NEDD9: variants seen among roughly 807,000 people sequenced by gnomAD.
The protein encoded by NEDD9 is enhancer of filamentation 1.
In NEDD9, 26 loss-of-function variants were observed where a neutral mutation model predicts 76.6. That is an observed-to-expected ratio of 0.34 (90% CI 0.25 to 0.47). The LOEUF is 0.47. Among genes scored for constraint, NEDD9 ranks in the 20% least tolerant of loss-of-function variants. The probability of loss-of-function intolerance (pLI) is 1.00; values close to 1 mark genes in which losing one functional copy is unlikely to be tolerated. For synonymous variants in NEDD9, 392 were observed against 414.2 expected (o/e 0.95, Z 0.65); for missense variants, 937 against 1,058.5 (o/e 0.89, Z 1.59).
In NEDD9 at chr6:11,239,955, A is replaced by G. The variant is rs148377972; in HGVS notation, c.13-26228T>C. Among the ~76,000 whole-genome samples, 776 of 151,810 alleles carry G rather than the reference A, an allele frequency of 5.1e-3. 7 individuals are homozygous for G. Among genetic ancestry groups the G allele is most frequent in the African/African-American group, 0.017 (716 of 41,338 alleles). On this transcript the variant is annotated intron_variant, in intron 3 of 3. Coordinates refer to the NEDD9 transcript ENST00000397378. ...GCTACTTGGGACGATGAGACAGGAGAATCGCTTGAACCCGGGAGGCGGAGA... is the reference window on the plus strand; with the variant it reads ...GCTACTTGGGACGATGAGACAGGAGGATCGCTTGAACCCGGGAGGCGGAGA...
upstream of NEDD9, chr6:11,233,155 C>G: frequency 2.0e-6 from 1 of 496,514 alleles, no homozygotes; most frequent in Non-Finnish European, 4.0e-6. Context: ...CTCTCTCTCT[C>G]TGTCCCTTTT....
chr6:11,188,351 A>T, intron 5 of NEDD9, 44 bp from the exon 6 acceptor site: 1 of 1,446,440 alleles, frequency 6.9e-7, no homozygotes, highest in Non-Finnish European at 9.7e-7. Flanking sequence ...CATCACTGTG[A>T]TTCACTTATG....
intron 1 of NEDD9, chr6:11,352,440 T>C (rs1166524836): frequency 2.6e-5 from 4 of 152,288 alleles, no homozygotes; most frequent in African/African-American, 9.6e-5. Context: ...CCTGAGAACA[T>C]ACACTTTTTA....
At chr6:11,364,603 TA>T (rs1762731332) in intron 1 of NEDD9, among the ~76,000 whole-genome samples, 1 of 152,190 alleles carries the variant, frequency 6.6e-6, no homozygotes, top group South Asian at 2.1e-4. Flanking sequence ...CTTTTGCTTG[TA>T]ACCCTTAAGG....
chr6:11,284,209 A>G (rs1268780373), intron 3 of NEDD9, among the ~76,000 whole-genome samples: 1 of 152,090 alleles, frequency 6.6e-6, no homozygotes, highest in Non-Finnish European at 1.5e-5. Flanking sequence ...TCTTAAATAC[A>G]GCATCCAAAG....
chr6:11,193,771 T>C, intron 2 of NEDD9, 79 bp from the exon 3 acceptor site: 2 of 833,704 alleles, frequency 2.4e-6, no homozygotes, highest in Non-Finnish European at 3.9e-6. Flanking sequence ...TAAGCACTCA[T>C]CCCTCAACTC....
chr6:11,327,084 G>A (rs143319864), intron 2 of NEDD9, among the ~76,000 whole-genome samples: 1 of 152,328 alleles, frequency 6.6e-6, no homozygotes, highest in South Asian at 2.1e-4. Flanking sequence ...ATGATGCTGG[G>A]ACAACAGGAG....
chr6:11,294,611 A>G (rs998659713), intron 3 of NEDD9, among the ~76,000 whole-genome samples: 1 of 152,132 alleles, frequency 6.6e-6, no homozygotes, highest in Non-Finnish European at 1.5e-5. Flanking sequence ...TTTCTTTATA[A>G]ATTACCCAGT....
intron 2 of NEDD9, among the ~76,000 whole-genome samples, chr6:11,326,283 C>A (rs1186678000): frequency 6.6e-6 from 1 of 152,136 alleles, no homozygotes; most frequent in Non-Finnish European, 1.5e-5. Flanking sequence ...AGGAATAAAG[C>A]ACAGCTGCTG....
At chr6:11,376,309 A>G (rs1276836257) in intron 1 of NEDD9, among the ~76,000 whole-genome samples, 1 of 152,228 alleles carries the variant, frequency 6.6e-6, no homozygotes, top group Non-Finnish European at 1.5e-5. Flanking sequence ...AGGACTCAGA[A>G]AAAGACAGGA....
intron 3 of NEDD9, among the ~76,000 whole-genome samples, chr6:11,297,028 C>T (rs998881692): frequency 6.6e-6 from 1 of 152,076 alleles, no homozygotes; most frequent in Non-Finnish European, 1.5e-5. Context: ...CACGCCCAGC[C>T]GATTTGGCTT....
At chr6:11,298,060 A>C (rs1463882927) in intron 3 of NEDD9, among the ~76,000 whole-genome samples, 1 of 151,990 alleles carries the variant, frequency 6.6e-6, no homozygotes, top group Non-Finnish European at 1.5e-5. Context: ...GGTGCGCACC[A>C]CTACACCCAG....
intron 3 of NEDD9, among the ~76,000 whole-genome samples, chr6:11,242,985 A>C (rs1759737753): frequency 6.6e-6 from 1 of 152,138 alleles, no homozygotes; most frequent in Non-Finnish European, 1.5e-5. Context: ...ACTCAGGCCA[A>C]CTCCAATCAG....
At chr6:11,312,329 C>T (rs562251168) in intron 2 of NEDD9, among the ~76,000 whole-genome samples, 1 of 152,260 alleles carries the variant, frequency 6.6e-6, no homozygotes, top group South Asian at 2.1e-4. Flanking sequence ...TGTCCATCTT[C>T]CCCATGGCCT....
chr6:11,282,223 C>G (rs530028269), intron 3 of NEDD9, among the ~76,000 whole-genome samples: 2 of 152,342 alleles, frequency 1.3e-5, no homozygotes, highest in Admixed American at 1.3e-4. Flanking sequence ...GCCATCTGAA[C>G]CTCTCAGCGA....
intron 1 of NEDD9, among the ~76,000 whole-genome samples, chr6:11,374,190 G>A (rs142278506): frequency 2.4e-4 from 37 of 152,184 alleles, no homozygotes; most frequent in African/African-American, 8.0e-4. Context: ...TCATTTGCCA[G>A]GGATCACTCT....
intron 1 of NEDD9, among the ~76,000 whole-genome samples, chr6:11,369,903 C>T (rs1400026410): frequency 1.3e-5 from 2 of 152,180 alleles, no homozygotes; most frequent in Admixed American, 1.3e-4. Flanking sequence ...ATATCATGCT[C>T]AACTGCATTT....
Position 11,213,251 on chromosome 6 carries a change from G to A in NEDD9, c.459+30C>T. The A allele has an allele frequency of 1.9e-6, 3 of 1,542,224 alleles. No homozygotes were observed. The highest frequency in any genetic ancestry group is 1.7e-6 in the Non-Finnish European group (2 of 1,144,088). On this transcript the variant is annotated intron_variant, in intron 2 of 6. Transcript: ENST00000379446. This position sits in a 1 kb window ranked among gnomAD's most constrained non-coding sequence, Gnocchi z 5.4. ...TGTAATGGGAAAAAAAAATAAGTAGGAACAAAAATTTAGTTAGTCATTTAC... is the reference window on the plus strand; with the variant it reads ...TGTAATGGGAAAAAAAAATAAGTAGAAACAAAAATTTAGTTAGTCATTTAC...
chr6:11,353,015 G>A (rs1173404083), intron 1 of NEDD9, among the ~76,000 whole-genome samples: 1 of 152,228 alleles, frequency 6.6e-6, no homozygotes, highest in Non-Finnish European at 1.5e-5. Context: ...GGATTCTCCT[G>A]CCCTCTTGAG....
Sources: gnomAD v4.1 joint callset for allele counts (sites outside exome capture counted in the v4.1 genomes callset) on GRCh38, gnomAD v4.1.1 for gene constraint, Gnocchi (gnomAD v3.1) non-coding constraint, MANE v1.5 for transcripts, NCBI Gene and HGNC (gene_info 2026-07-23, HGNC 2026-07-21) for gene names.